Variants in IGFBP7 observed in about 807,000 individuals in gnomAD.
IGFBP7 encodes the protein insulin-like growth factor-binding protein 7.
In IGFBP7, 31 loss-of-function variants were observed where a neutral mutation model predicts 29.4. The ratio of observed to expected loss-of-function variants is 1.05; its 90% CI spans 0.79 to 1.42. IGFBP7 has a LOEUF of 1.42. Among genes scored for constraint, IGFBP7 ranks in the 40% most tolerant of loss-of-function variants. IGFBP7 has a pLI of 0.00. For synonymous variants in IGFBP7, 172 were observed against 174.9 expected (o/e 0.98, Z 0.13); for missense variants, 393 against 395.5 (o/e 0.99, Z 0.05).
At chr4:57,042,993 C>T (rs140725139) in intron 1 of IGFBP7, among the ~76,000 whole-genome samples, 20 of 152,330 alleles carry the variant, frequency 1.3e-4, no homozygotes, top group African/African-American at 4.3e-4. Flanking sequence ...GGCTCTGAAA[C>T]ACAAAACTGT....
intron 2 of IGFBP7, 58 bp downstream of exon 2, chr4:57,040,766 G>A (rs1724201843): frequency 1.7e-6 from 2 of 1,175,634 alleles, no homozygotes; most frequent in African/African-American, 1.5e-5. Flanking sequence ...TACCATCCTT[G>A]TGCAGTGCAA....
In IGFBP7 at chr4:57,030,809, A is replaced by G. The variant is rs903353972; in HGVS notation, c.*508T>C. ...AGCTCCACTCATTTATTCATTATCT[A>G]CAGTACCAGATCTTTGTCTTTTTCT... On this transcript the variant is annotated 3_prime_UTR_variant, in exon 5 of 5. Coordinates refer to ENST00000295666, the MANE Select transcript of IGFBP7 (RefSeq NM_001553.3). 10 of 749,742 alleles carry G rather than the reference A, an allele frequency of 1.3e-5. No homozygotes were observed. The highest frequency in any genetic ancestry group is 7.4e-5 in the South Asian group (5 of 67,826). 46.4% of individuals were successfully genotyped at this position (749,742 alleles called of 1,614,324 possible). A position where few individuals can be genotyped will look rare whatever the true frequency, so the allele number is the denominator to read the frequency against.
intron 1 of IGFBP7, among the ~76,000 whole-genome samples, chr4:57,083,362 G>T (rs1725419124): frequency 6.6e-6 from 1 of 152,202 alleles, no homozygotes; most frequent in African/African-American, 2.4e-5. Flanking sequence ...GGGAAACATT[G>T]TAGGTTATTG....
chr4:57,091,728 A>C (rs9992658), intron 1 of IGFBP7, among the ~76,000 whole-genome samples: 16,243 of 152,260 alleles, frequency 0.11, 1,326 homozygotes, highest in African/African-American at 0.22. Context: ...ATTAACAGGA[A>C]TACCTGCCTT....
rs112047030 is a variant in IGFBP7, at chr4:57,033,848, C to G, written c.586-537G>C. Among the ~76,000 whole-genome samples the G allele has an allele frequency of 6.8e-3, 1,029 of 152,096 alleles. 8 individuals are homozygous for G. The highest frequency in any genetic ancestry group is 0.023 in the African/African-American group (972 of 41,484). On this transcript the variant is annotated intron_variant, in intron 2 of 4. Transcript: ENST00000295666. Reference sequence around the variant, plus strand: ...ATAAAAAACACCTATCAAAGGAGTTCGAGACCAGACTGACCAACATGACAA... The same window carrying G: ...ATAAAAAACACCTATCAAAGGAGTTGGAGACCAGACTGACCAACATGACAA...
At chr4:57,065,466 G>A (rs1028343312) in intron 1 of IGFBP7, 4 of 152,324 alleles carry the variant, frequency 2.6e-5, no homozygotes, top group Middle Eastern at 6.8e-3. Context: ...TTAACTTCAT[G>A]ACAAGAAGAG....
intron 1 of IGFBP7, among the ~76,000 whole-genome samples, chr4:57,100,067 C>CTTT (rs1168409479): frequency 1.2e-4 from 7 of 56,276 alleles, no homozygotes; most frequent in Admixed American, 2.7e-4. Context: ...TTTTTCTTTT[C>CTTT]TTTCTTTTTT....
intron 1 of IGFBP7, among the ~76,000 whole-genome samples, chr4:57,103,818 C>T (rs528864786): frequency 6.6e-6 from 1 of 151,346 alleles, no homozygotes; most frequent in South Asian, 2.1e-4. Context: ...GCCACCACAC[C>T]CAGCTAATTT....
At chr4:57,100,729 G>C (rs1389794736) in intron 1 of IGFBP7, among the ~76,000 whole-genome samples, 1 of 152,152 alleles carries the variant, frequency 6.6e-6, no homozygotes, top group Non-Finnish European at 1.5e-5. Context: ...AATCTCTTTT[G>C]TTAGAAACTT....
intron 1 of IGFBP7, among the ~76,000 whole-genome samples, chr4:57,094,722 T>C (rs1725721856): frequency 6.6e-6 from 1 of 152,230 alleles, no homozygotes; most frequent in African/African-American, 2.4e-5. Context: ...CACACTTGGG[T>C]TCTGCCCTCG....
At chr4:57,094,625 A>C (rs1012507948) in intron 1 of IGFBP7, among the ~76,000 whole-genome samples, 1 of 152,242 alleles carries the variant, frequency 6.6e-6, no homozygotes, top group Non-Finnish European at 1.5e-5. Context: ...AAACTGCATC[A>C]AGAGTCATCC....
intron 1 of IGFBP7, among the ~76,000 whole-genome samples, chr4:57,063,334 C>T (rs572157839): frequency 6.6e-6 from 1 of 152,300 alleles, no homozygotes; most frequent in East Asian, 1.9e-4. Context: ...ATTGAAATTG[C>T]TGCATACCCC....
chr4:57,089,230 A>G (rs1365732439), intron 1 of IGFBP7, among the ~76,000 whole-genome samples: 3 of 152,238 alleles, frequency 2.0e-5, no homozygotes, highest in Non-Finnish European at 2.9e-5. Flanking sequence ...TGAAGTTTAT[A>G]CAATTTATAA....
intron 1 of IGFBP7, among the ~76,000 whole-genome samples, chr4:57,050,526 T>C (rs1724478914): frequency 6.6e-6 from 1 of 151,966 alleles, no homozygotes; most frequent in Non-Finnish European, 1.5e-5. Flanking sequence ...ATTAAAGGCA[T>C]AAGCCACTGC....
intron 1 of IGFBP7, among the ~76,000 whole-genome samples, chr4:57,086,129 A>G (rs899775573): frequency 1.1e-4 from 16 of 152,194 alleles, no homozygotes; most frequent in Admixed American, 5.9e-4. Flanking sequence ...GCAAAGGTAC[A>G]TCTTACATGG....
chr4:57,089,237 A>G (rs1036461956), intron 1 of IGFBP7, among the ~76,000 whole-genome samples: 22 of 152,324 alleles, frequency 1.4e-4, no homozygotes, highest in African/African-American at 5.3e-4. Context: ...TATACAATTT[A>G]TAAAAATGAA....
intron 1 of IGFBP7, among the ~76,000 whole-genome samples, chr4:57,093,275 C>T (rs1260639554): frequency 2.0e-5 from 3 of 152,102 alleles, no homozygotes; most frequent in South Asian, 2.1e-4. Context: ...CCGAGGCGGG[C>T]GGATCACTTG....
chr4:57,067,921 G>T (rs1188240745), intron 1 of IGFBP7, among the ~76,000 whole-genome samples: 1 of 152,192 alleles, frequency 6.6e-6, no homozygotes, highest in Non-Finnish European at 1.5e-5. Flanking sequence ...AATTGATAGG[G>T]TAGCGAAAAA....
intron 1 of IGFBP7, among the ~76,000 whole-genome samples, chr4:57,087,563 A>G (rs1007948651): frequency 1.3e-5 from 2 of 152,186 alleles, no homozygotes; most frequent in Non-Finnish European, 2.9e-5. Context: ...GGAGGAGTGG[A>G]CCAGAGGTAT....
Sources: allele counts gnomAD v4.1 joint callset (sites outside exome capture counted in the v4.1 genomes callset), GRCh38; gene constraint gnomAD v4.1.1; transcripts MANE v1.5; gene names NCBI Gene and HGNC (gene_info 2026-07-23, HGNC 2026-07-21).